The following SEL1L3 variants were observed in gnomAD, a reference collection of about 807,000 sequenced individuals.
The protein encoded by SEL1L3 is protein sel-1 homolog 3.
Under a neutral mutation model 142.8 loss-of-function variants are expected in SEL1L3, and 76 were observed. The observed-to-expected ratio is 0.53, with a 90% CI of 0.44 to 0.64. The LOEUF (loss-of-function observed/expected upper bound fraction) is 0.64, where lower values mean the gene tolerates loss of function less well. SEL1L3 is among the 30% of genes least tolerant of loss of function. The probability of loss-of-function intolerance (pLI) is 0.00; values close to 1 mark genes in which losing one functional copy is unlikely to be tolerated. For missense variants in SEL1L3, 1,262 were observed against 1,381.7 expected (o/e 0.91, Z 1.37); for synonymous variants, 504 against 519.6 (o/e 0.97, Z 0.41).
At position 25,862,763 on chromosome 4, in the gene SEL1L3, G is replaced by A; in HGVS notation, c.74C>T (p.Pro25Leu). The A allele has an allele frequency of 8.3e-7, 1 of 1,206,668 alleles. No homozygotes were observed. Among genetic ancestry groups the A allele is most frequent in the Non-Finnish European group, 1.0e-6 (1 of 973,036 alleles). 74.7% of individuals were successfully genotyped at this position (1,206,668 alleles called of 1,614,324 possible). A position where few individuals can be genotyped will look rare whatever the true frequency, so the allele number is the denominator to read the frequency against. The stretch of plus-strand genomic sequence containing the variant: ...ACTCGGGACCATGGCTGCGGCCCGG[G>A]GGCCGACCGCGAGCGGCGGGGGTTG... The part of the protein sequence containing the change: ...QQQPPPLAVG[P>L]RAAAMVPSGG... The change falls in exon 1 of 24, where the codon CCC becomes CTC. Residue 25 changes from proline (P) to leucine (L), a missense_variant. Physicochemically the swap from Pro to Leu is moderately conservative, Grantham distance 98. Transcript: ENST00000399878.
At chr4:25,780,146 CT>C (rs963859489) in intron 15 of SEL1L3, among the ~76,000 whole-genome samples, 7 of 152,266 alleles carry the variant, frequency 4.6e-5, no homozygotes, top group Admixed American at 1.3e-4. Context: ...GGAGTCACCC[CT>C]GACTCTTCTC....
At chr4:25,843,733 A>C (rs1309458568) in intron 2 of SEL1L3, among the ~76,000 whole-genome samples, 1 of 152,220 alleles carries the variant, frequency 6.6e-6, no homozygotes, top group Non-Finnish European at 1.5e-5. Context: ...ACGTGTTCCC[A>C]ATGGCTACCG....
downstream of SEL1L3, among the ~76,000 whole-genome samples, chr4:25,745,119 G>A (rs987138475): frequency 6.6e-6 from 1 of 152,194 alleles, no homozygotes; most frequent in South Asian, 2.1e-4. Flanking sequence ...GAAAGGCCAG[G>A]CGTGGTGGCT....
At chr4:25,735,864 C>T in the SEL1L3 span, among the ~76,000 whole-genome samples, 72 of 122,668 alleles carry the variant, frequency 5.9e-4, no homozygotes, top group African/African-American at 2.2e-3. Context: ...GAGTCTGGCT[C>T]TGTCGCCCAG....
At position 25,862,801 on chromosome 4, in the gene SEL1L3, C is replaced by T. The variant is rs1717822218; in HGVS notation, c.36G>A (p.Arg12=). 2 of 1,167,352 alleles carry T rather than the reference C, an allele frequency of 1.7e-6. No homozygotes were observed. Among genetic ancestry groups the T allele is most frequent in the Non-Finnish European group, 2.1e-6 (2 of 947,688 alleles). 72.3% of individuals were successfully genotyped at this position (1,167,352 alleles called of 1,614,324 possible). ...GCGGCGGGGGTTGCTGCTGCTGCTG[C>T]CGCGGCCACCCGAGCCCCGCGCCGC... is the stretch of plus-strand genomic sequence containing the variant. ...QRRGAGLGWP[R]QQQQQPPPLA... is the part of the protein sequence containing the mutation. Residue 12 remains arginine, a synonymous_variant, in exon 1 of 24, where the codon CGG becomes CGA. Transcript: ENST00000399878.
rs1712038169 is a variant in SEL1L3 at position 25,788,575 on chromosome 4, T to TC, written c.2077-212_2077-211insG. On this transcript the variant is annotated intron_variant, in intron 12 of 23. Coordinates refer to ENST00000399878, the MANE Select transcript of SEL1L3 (RefSeq NM_015187.5). This position sits in a 1 kb window ranked among gnomAD's most constrained non-coding sequence, Gnocchi z 5.3. ...ATGCAAGCCAGAAATGGTTCGTGTGTGTGTGTGTGTGTGTGTGTGTGTGTG... is the reference window on the plus strand; with the variant it reads ...ATGCAAGCCAGAAATGGTTCGTGTGTCGTGTGTGTGTGTGTGTGTGTGTGTG... Among the ~76,000 whole-genome samples, 1 of 32,634 alleles carries TC rather than the reference T, an allele frequency of 3.1e-5. No homozygotes were observed. The highest frequency in any genetic ancestry group is 6.0e-5 in the Non-Finnish European group (1 of 16,552). The allele number at this position is 32,634 out of a possible 152,430, so 21.4% of individuals were successfully genotyped here.
rs1179070680 is a variant in SEL1L3 at position 25,842,227 on chromosome 4, A to G, written c.733+5067T>C. ...CTGATGGCCAGCATTTATGAAGTTAATTTCTGGTTGTGGAAATTAAAAAAA... is the reference window on the plus strand; with the variant it reads ...CTGATGGCCAGCATTTATGAAGTTAGTTTCTGGTTGTGGAAATTAAAAAAA... On this transcript the variant is annotated intron_variant, in intron 2 of 23. Coordinates refer to ENST00000399878, the MANE Select transcript of SEL1L3 (RefSeq NM_015187.5). 2.6e-5 allele frequency among the ~76,000 whole-genome samples: 4 copies of G among 151,598 alleles called. No homozygotes were observed. In the East Asian group the frequency reaches 5.8e-4, roughly 22 times the overall value.
the SEL1L3 span, among the ~76,000 whole-genome samples, chr4:25,734,621 T>G: frequency 6.6e-6 from 1 of 151,968 alleles, no homozygotes; most frequent in Non-Finnish European, 1.5e-5. Context: ...CAGGCTGGAG[T>G]GTAGTGGCCT....
rs376578845 is a variant in SEL1L3 at position 25,804,632 on chromosome 4, G to T, written c.1685C>A (p.Thr562Lys). ...HQISSIVPFL[T>K]DSSCCGYHKA... ...ATGGTATCCACAGCAGCTGGAATCCGTCAGAAAGGGGACGATAGAGCTAAT... is the reference window on the plus strand; with the variant it reads ...ATGGTATCCACAGCAGCTGGAATCCTTCAGAAAGGGGACGATAGAGCTAAT... Residue 562 changes from threonine (T) to lysine (K), a missense_variant, in exon 10 of 24, where the codon ACG becomes AAG. By Grantham distance (78) the Thr-to-Lys change is moderately conservative. Around this residue, in one of 3 missense-constraint regions of SEL1L3, gnomAD observed 435 missense variants for 559.2 expected, o/e 0.78. Transcript: ENST00000399878. 1.2e-6 allele frequency: 2 copies of T among 1,613,782 alleles called. No individual in the cohort carries two copies. Among genetic ancestry groups the T allele is most frequent in the African/African-American group, 2.7e-5 (2 of 75,054 alleles).
At chr4:25,772,112 A>T (rs1268599446) in intron 17 of SEL1L3, among the ~76,000 whole-genome samples, 1 of 152,234 alleles carries the variant, frequency 6.6e-6, no homozygotes, top group Admixed American at 6.5e-5. Flanking sequence ...TACCAAAAAA[A>T]TGTCACGTTG....
At chr4:25,828,105 C>G (rs1431925915) in intron 6 of SEL1L3, among the ~76,000 whole-genome samples, 1 of 152,164 alleles carries the variant, frequency 6.6e-6, no homozygotes, top group Admixed American at 6.5e-5. Context: ...GACATGTGCT[C>G]TCTCCCTAGG....
At position 25,862,661 on chromosome 4, in the gene SEL1L3, G is replaced by C; in HGVS notation, c.162+14C>G. 8.0e-7 allele frequency: 1 copy of C among 1,252,862 alleles called. No homozygotes were observed. The highest frequency in any genetic ancestry group is 1.0e-6 in the Non-Finnish European group (1 of 996,440). 77.6% of individuals were successfully genotyped at this position (1,252,862 alleles called of 1,614,324 possible). On this transcript the variant is annotated intron_variant, in intron 1 of 23. Coordinates refer to ENST00000399878, the MANE Select transcript of SEL1L3 (RefSeq NM_015187.5). ...CGCGCGGAGGGGAAGACCCGGGCAGGGTCCGGCGCTCACCAGGTAGCAGAG... is the reference window on the plus strand; with the variant it reads ...CGCGCGGAGGGGAAGACCCGGGCAGCGTCCGGCGCTCACCAGGTAGCAGAG...
At position 25,816,165 on chromosome 4, in the gene SEL1L3, T is replaced by G. The variant is rs146998182; in HGVS notation, c.1564+1973A>C. Among the ~76,000 whole-genome samples, 12 of 148,074 alleles carry G rather than the reference T, an allele frequency of 8.1e-5. No individual in the cohort carries two copies. The Admixed American group carries it at 8.2e-4, about 10-fold the overall frequency. On this transcript the variant is annotated intron_variant, in intron 9 of 23. Transcript: ENST00000399878. ...ATATACATATATTATATATGTATATTATATATACATACACACATATGCACA... is the reference window on the plus strand; with the variant it reads ...ATATACATATATTATATATGTATATGATATATACATACACACATATGCACA...
At chr4:25,812,707 T>C (rs1394867262) in intron 9 of SEL1L3, among the ~76,000 whole-genome samples, 1 of 133,292 alleles carries the variant, frequency 7.5e-6, no homozygotes, top group Non-Finnish European at 1.6e-5. Flanking sequence ...AGTGAAACTC[T>C]GTCTCAGAAA....
At chr4:25,860,022 G>A (rs541901691) in intron 1 of SEL1L3, among the ~76,000 whole-genome samples, 40 of 152,308 alleles carry the variant, frequency 2.6e-4, no homozygotes, top group African/African-American at 9.6e-4. Flanking sequence ...GTGTGGTTTA[G>A]AGCTGGGGCT....
chr4:25,849,464 A>G (rs543409570), intron 1 of SEL1L3, among the ~76,000 whole-genome samples: 8 of 152,332 alleles, frequency 5.3e-5, no homozygotes, highest in South Asian at 2.1e-4. Flanking sequence ...GCCTACATGA[A>G]GCACCTAGAG....
intron 2 of SEL1L3, among the ~76,000 whole-genome samples, chr4:25,841,073 C>T (rs1390559295): frequency 1.3e-5 from 2 of 151,712 alleles, no homozygotes; most frequent in Non-Finnish European, 2.9e-5. Flanking sequence ...TGCTCTGTCA[C>T]CCAGGCTGGA....
chr4:25,829,781 T>G (rs1287320034), intron 6 of SEL1L3, among the ~76,000 whole-genome samples: 1 of 152,236 alleles, frequency 6.6e-6, no homozygotes, highest in Non-Finnish European at 1.5e-5. Context: ...TTTGATTTAT[T>G]TTTCAGAATC....
the SEL1L3 span, chr4:25,721,128 C>A: frequency 6.6e-6 from 1 of 152,102 alleles, no homozygotes; most frequent in East Asian, 1.9e-4. Context: ...CACTTTGACT[C>A]TCATCTCTTG....
Sources: allele counts gnomAD v4.1 joint callset (sites outside exome capture counted in the v4.1 genomes callset), GRCh38; gene constraint gnomAD v4.1.1; regional missense constraint gnomAD v4.1.1; non-coding constraint Gnocchi (gnomAD v3.1); transcripts MANE v1.5; gene names NCBI Gene and HGNC (gene_info 2026-07-23, HGNC 2026-07-21).